Variants in FRMPD4 observed in about 807,000 individuals in gnomAD.
The protein encoded by FRMPD4 is FERM and PDZ domain-containing protein 4.
Under a neutral mutation model 94.1 loss-of-function variants are expected in FRMPD4, and 22 were observed. The observed-to-expected ratio is 0.23, with a 90% CI of 0.17 to 0.33. FRMPD4 has a LOEUF of 0.33. Among genes scored for constraint, FRMPD4 ranks in the 10% least tolerant of loss-of-function variants. The pLI is 1.00. For synonymous variants in FRMPD4, 631 were observed against 548.6 expected, an observed-to-expected ratio of 1.15 and a Z score of -2.10; for missense variants, 1,111 against 1,339.9, an observed-to-expected ratio of 0.83 and a Z score of 2.67.
At chrX:11,849,292 AAAG>A (rs1167352085) in intron 1 of FRMPD4, among the ~76,000 whole-genome samples, 9 of 112,009 alleles carry the variant, frequency 8.0e-5, no homozygotes, top group African/African-American at 2.6e-4. Context: ...GAAAGAAATT[AAAG>A]AAGATACAAA....
At chrX:12,189,049 A>C (rs2056458890) in intron 1 of FRMPD4, among the ~76,000 whole-genome samples, 1 of 111,606 alleles carries the variant, frequency 9.0e-6, no homozygotes, top group African/African-American at 3.2e-5. Flanking sequence ...TCTAAGCCAG[A>C]CTAAGAACGA....
At chrX:11,924,957 G>A (rs1004858753) in intron 3 of FRMPD4, among the ~76,000 whole-genome samples, 1 of 111,189 alleles carries the variant, frequency 9.0e-6, no homozygotes, top group African/African-American at 3.3e-5. Context: ...ACACAGAGTG[G>A]CAAGCTGAAT....
intron 1 of FRMPD4, among the ~76,000 whole-genome samples, chrX:12,140,836 A>G (rs1001222546): frequency 1.8e-5 from 2 of 112,087 alleles, no homozygotes; most frequent in Non-Finnish European, 3.8e-5. Context: ...GTGGTATCTT[A>G]TTTTAAAGAG....
chrX:12,261,774 C>T (rs1042542841), intron 1 of FRMPD4, among the ~76,000 whole-genome samples: 5 of 111,851 alleles, frequency 4.5e-5, no homozygotes, highest in African/African-American at 9.7e-5. Flanking sequence ...ATTTATGAGT[C>T]GCCTATATGC....
intron 3 of FRMPD4, among the ~76,000 whole-genome samples, chrX:11,955,746 AG>A (rs755049388): frequency 3.1e-4 from 32 of 103,661 alleles, no homozygotes; most frequent in African/African-American, 8.2e-4. Context: ...CGTCTCAAAA[AG>A]AAAAAAAAAA....
rs180776962 is a variant in FRMPD4, at chrX:12,701,522, G to C, written c.934-352G>C. Among the ~76,000 whole-genome samples, 8 of 111,604 alleles carry C rather than the reference G, an allele frequency of 7.2e-5. No individual in the cohort carries two copies. The Admixed American group carries it at 7.6e-4, about 11-fold the overall frequency. ...GTTTCAAGCCTAAGATTCCAATTCC[G>C]GCAGCCTAACTCCAGAAGCCACATT... is the stretch of plus-strand genomic sequence containing the variant. On this transcript the variant is annotated intron_variant, in intron 9 of 16. Transcript: ENST00000675598.
chrX:11,978,119 G>GT (rs940399462), intron 3 of FRMPD4, among the ~76,000 whole-genome samples: 1 of 108,441 alleles, frequency 9.2e-6, no homozygotes, highest in African/African-American at 3.4e-5. Flanking sequence ...TAAGGAGATC[G>GT]AGACCATCCT....
chrX:11,947,069 C>T (rs1355224925), intron 3 of FRMPD4, among the ~76,000 whole-genome samples: 1 of 111,558 alleles, frequency 9.0e-6, no homozygotes, highest in African/African-American at 3.3e-5. Flanking sequence ...CTGACTAATA[C>T]ACTCTTACAG....
intron 1 of FRMPD4, among the ~76,000 whole-genome samples, chrX:12,236,284 G>A (rs1019869906): frequency 6.3e-5 from 7 of 111,624 alleles, no homozygotes; most frequent in Non-Finnish European, 9.4e-5. Flanking sequence ...CTCAGATAAC[G>A]TTGTATGTGG....
Position 12,080,691 on chromosome X carries a change from G to A in FRMPD4, c.95+202673G>A, listed in dbSNP as rs185918132. On this transcript the variant is annotated intron_variant, in intron 3 of 18. Transcript: ENST00000640291. ...GGAGAAAAATAAGAGGAAGCATCTA[G>A]GGTTCTAGAAATTATGTATTATGTG... 1.1e-4 allele frequency among the ~76,000 whole-genome samples: 12 copies of A among 112,249 alleles called. No individual in the cohort carries two copies. The East Asian group carries it at 3.4e-3, about 31-fold the overall frequency.
chrX:12,046,378 G>A (rs1395453395), intron 3 of FRMPD4, among the ~76,000 whole-genome samples: 5 of 110,388 alleles, frequency 4.5e-5, no homozygotes, highest in East Asian at 2.9e-4. Flanking sequence ...AAACATGTGC[G>A]TGTTTTTCCC....
chrX:12,308,800 A>C (rs2054985915), intron 1 of FRMPD4, among the ~76,000 whole-genome samples: 1 of 112,312 alleles, frequency 8.9e-6, no homozygotes, highest in Non-Finnish European at 1.9e-5. Context: ...AGGAAAAAAA[A>C]ATGGGGGATG....
At chrX:12,720,501 A>T in intron 16 of FRMPD4, 33 bp from the exon 17 acceptor site, 1 of 1,196,914 alleles carries the variant, frequency 8.4e-7, no homozygotes, top group East Asian at 3.0e-5. Context: ...ATGCTTAATG[A>T]TTCTCTCTGT....
At chrX:11,969,834 T>C (rs1057041430) in intron 3 of FRMPD4, among the ~76,000 whole-genome samples, 1 of 111,940 alleles carries the variant, frequency 8.9e-6, no homozygotes. Context: ...TCGTAGACTA[T>C]TAATGAGTTG....
chrX:12,335,872 G>C (rs1256105321), intron 1 of FRMPD4, among the ~76,000 whole-genome samples: 2 of 112,210 alleles, frequency 1.8e-5, no homozygotes, highest in African/African-American at 3.2e-5. Context: ...TTTGCAGCCA[G>C]CTTTGACAAT....
At chrX:11,827,062 T>TTTTATA (rs1555909820) in intron 1 of FRMPD4, among the ~76,000 whole-genome samples, 18 of 80,578 alleles carry the variant, frequency 2.2e-4, no homozygotes, top group African/African-American at 8.4e-4. Context: ...TAGATGGAAA[T>TTTTATA]TATATATATA....
chrX:11,850,855 G>T (rs984517969), intron 1 of FRMPD4, among the ~76,000 whole-genome samples: 35 of 111,879 alleles, frequency 3.1e-4, no homozygotes, highest in African/African-American at 1.1e-3. Flanking sequence ...TTTTAGTTCT[G>T]CAAGATAAAA....
intron 2 of FRMPD4, among the ~76,000 whole-genome samples, chrX:12,549,266 C>G (rs1295867078): frequency 8.9e-6 from 1 of 111,902 alleles, no homozygotes; most frequent in Non-Finnish European, 1.9e-5. Flanking sequence ...TCCCAGAACT[C>G]TTCTTTCCTG....
intron 1 of FRMPD4, among the ~76,000 whole-genome samples, chrX:12,156,158 A>T (rs1306096708): frequency 9.0e-6 from 1 of 111,589 alleles, no homozygotes; most frequent in African/African-American, 3.3e-5. Flanking sequence ...CAGAGATTCT[A>T]AACATCCTAA....
Sources: gnomAD v4.1 joint callset for allele counts (sites outside exome capture counted in the v4.1 genomes callset) on GRCh38, gnomAD v4.1.1 for gene constraint, MANE v1.5 for transcripts, NCBI Gene and HGNC (gene_info 2026-07-23, HGNC 2026-07-21) for gene names.